The following EXD3 variants were observed in gnomAD, a reference collection of about 807,000 sequenced individuals.
EXD3 encodes the protein exonuclease mut-7 homolog.
EXD3 carries 92 observed loss-of-function variants against 98.0 expected under a neutral mutation model. The observed-to-expected ratio is 0.94, with a 90% CI of 0.79 to 1.12. The LOEUF is 1.12. Ranked by LOEUF, EXD3 falls within the 50% of genes most tolerant of loss-of-function variation. The probability of loss-of-function intolerance (pLI) is 0.00; values close to 1 mark genes in which losing one functional copy is unlikely to be tolerated. For synonymous variants in EXD3, 569 were observed against 526.0 expected (o/e 1.08, Z -1.12); for missense variants, 1,222 against 1,191.6 (o/e 1.03, Z -0.38).
At chr9:137,389,623 G>A (rs940573751) in intron 2 of EXD3, among the ~76,000 whole-genome samples, 8 of 152,156 alleles carry the variant, frequency 5.3e-5, no homozygotes, top group East Asian at 1.9e-4. Flanking sequence ...CAGTGAGTAC[G>A]TCGAGGTGCT....
intron 8 of EXD3, among the ~76,000 whole-genome samples, chr9:137,355,450 T>TGGAGGAAGGAGGAAGGAGGAA (rs1375173621): frequency 2.1e-4 from 2 of 9,540 alleles, no homozygotes; most frequent in African/African-American, 5.4e-4. Context: ...GAAGGGAGGA[T>TGGAGGAAGGAGGAAGGAGGAA]GGAGGAAGGA....
intron 1 of EXD3, among the ~76,000 whole-genome samples, chr9:137,404,582 C>T (rs1294879827): frequency 3.3e-5 from 5 of 152,240 alleles, no homozygotes; most frequent in Non-Finnish European, 7.3e-5. Flanking sequence ...AAAAGCCGGC[C>T]AGGCGCGGTG....
At chr9:137,410,714 C>A (rs1407997866) in intron 1 of EXD3, among the ~76,000 whole-genome samples, 1 of 152,160 alleles carries the variant, frequency 6.6e-6, no homozygotes, top group Non-Finnish European at 1.5e-5. Context: ...GGAAGCCCCC[C>A]TGGGGGCGGC....
At chr9:137,388,327 C>A (rs1836714466) in intron 2 of EXD3, among the ~76,000 whole-genome samples, 1 of 152,008 alleles carries the variant, frequency 6.6e-6, no homozygotes, top group South Asian at 2.1e-4. Flanking sequence ...GGACGGCTCC[C>A]CAGCTGACAC....
intron 17 of EXD3, among the ~76,000 whole-genome samples, chr9:137,332,717 C>T (rs549494687): frequency 6.6e-5 from 10 of 152,054 alleles, no homozygotes; most frequent in South Asian, 6.2e-4. Context: ...TGGTGGCGGG[C>T]GCCTGTAGTC....
At chr9:137,374,507 G>T (rs1029827677) in intron 3 of EXD3, 4 of 967,106 alleles carry the variant, frequency 4.1e-6, no homozygotes, top group Middle Eastern at 5.2e-4. Context: ...GCGCAGCTTT[G>T]AAAGCACTTG....
chr9:137,333,659 C>T (rs367626772), intron 17 of EXD3, among the ~76,000 whole-genome samples: 5 of 152,128 alleles, frequency 3.3e-5, no homozygotes, highest in African/African-American at 1.2e-4. Context: ...TGCTCTCTCG[C>T]TCCTGCCTTC....
At chr9:137,325,076 T>C (rs1322050838) in intron 17 of EXD3, among the ~76,000 whole-genome samples, 1 of 152,196 alleles carries the variant, frequency 6.6e-6, no homozygotes, top group African/African-American at 2.4e-5. Flanking sequence ...GTTATATATA[T>C]TTTTAAAAGT....
chr9:137,307,170 A>T lies in EXD3; in HGVS notation c.2411T>A (p.Met804Lys), dbSNP rs1172236460. 1.6e-5 allele frequency: 26 copies of T among 1,588,886 alleles called. No homozygotes were observed. In the East Asian group the frequency reaches 6.0e-4, roughly 37 times the overall value. The stretch of plus-strand genomic sequence containing the variant: ...CTGCAGCCGGGTGCCGTCGGCCAGC[A>T]TGTCCGGTGTCTCCGCCCGCAGGTC... ...MADLRAETPD[M>K]LADGTRLQLA... The change falls in exon 22 of 22, where the codon ATG (methionine) becomes AAG (lysine). Residue 804 changes from methionine to lysine, a missense_variant. By Grantham distance (95) the Met-to-Lys change is moderately conservative (BLOSUM62 -1). Coordinates refer to ENST00000340951, the MANE Select transcript of EXD3 (RefSeq NM_017820.5).
At chr9:137,383,072 C>A (rs7390551) in intron 3 of EXD3, among the ~76,000 whole-genome samples, 1 of 152,212 alleles carries the variant, frequency 6.6e-6, no homozygotes. Flanking sequence ...CAGAGGTGAC[C>A]TCAGAGGGGC....
At chr9:137,373,744 C>G in intron 3 of EXD3, 145 bp from the exon 4 acceptor site, 1 of 910,862 alleles carries the variant, frequency 1.1e-6, no homozygotes, top group East Asian at 2.7e-5. Flanking sequence ...GCCTCCGTGA[C>G]TTTTCATGCC....
intron 19 of EXD3, among the ~76,000 whole-genome samples, chr9:137,319,648 C>T (rs1831919433): frequency 6.6e-6 from 1 of 152,202 alleles, no homozygotes; most frequent in Non-Finnish European, 1.5e-5. Context: ...GACTCCAGAG[C>T]CAAGGAGGCG....
In EXD3 at chr9:137,354,773, G is replaced by C. The variant is rs751957112; in HGVS notation, c.758C>G (p.Ala253Gly). 4.4e-6 allele frequency: 7 copies of C among 1,608,974 alleles called. No homozygotes were observed. In the South Asian group the frequency reaches 7.7e-5, roughly 18 times the overall value. The change falls in exon 9 of 22, where the codon GCG (alanine) becomes GGG (glycine). Residue 253 changes from alanine to glycine, a missense_variant and splice_region_variant. Transcript: ENST00000340951. ...RLQERYGVAPALCPNAAIQQR... is the reference protein window; with the variant it reads ...RLQERYGVAPGLCPNAAIQQR... The stretch of plus-strand genomic sequence containing the variant: ...CTGAATGGCCGCGTTGGGACACAGC[G>C]CTGAAAGGAAAGGCCAGCTCAGCAC...
At chr9:137,366,660 A>C (rs933753832) in intron 6 of EXD3, 28 bp from the exon 7 acceptor site, 9 of 1,542,036 alleles carry the variant, frequency 5.8e-6, no homozygotes, top group Non-Finnish European at 7.9e-6. Flanking sequence ...GTCAGGCCAC[A>C]GCCTCCGCCA....
rs138032910 is a variant in EXD3 at position 137,382,710 on chromosome 9, C to T, written c.120+603G>A. ...CCAGTGGATGTGGCACTCAGAGGAG[C>T]TGGGCTGGGGTTGGAGGGCGTCCCC... On this transcript the variant is annotated intron_variant, in intron 3 of 21. Transcript: ENST00000340951. 9.2e-3 allele frequency among the ~76,000 whole-genome samples: 1,399 copies of T among 152,074 alleles called. 8 individuals are homozygous for T. The highest frequency in any genetic ancestry group is 0.03 in the African/African-American group (1,258 of 41,444).
At chr9:137,376,412 C>T (rs1355473566) in intron 3 of EXD3, among the ~76,000 whole-genome samples, 1 of 151,798 alleles carries the variant, frequency 6.6e-6, no homozygotes, top group Non-Finnish European at 1.5e-5. Flanking sequence ...CCAGACACTC[C>T]CTACAGGGCA....
At chr9:137,404,379 C>A (rs1429627351) in intron 1 of EXD3, among the ~76,000 whole-genome samples, 1 of 152,200 alleles carries the variant, frequency 6.6e-6, no homozygotes, top group Non-Finnish European at 1.5e-5. Flanking sequence ...AAGAGGCGTG[C>A]CCATCTCCCA....
chr9:137,408,166 T>C (rs1014929683), intron 1 of EXD3, among the ~76,000 whole-genome samples: 2 of 152,100 alleles, frequency 1.3e-5, no homozygotes, highest in Non-Finnish European at 2.9e-5. Flanking sequence ...CAACAGTGAC[T>C]CTTCCTCTGG....
At position 137,343,887 on chromosome 9, in the gene EXD3, C is replaced by CT. The variant is rs139561838; in HGVS notation, c.1998+4183dup. ...ACAGGTATGAGCCACCGCGCCCGGC[C>CT]TTTTTTTTTTTTTTTTTTTTTTGAG... On this transcript the variant is annotated intron_variant, in intron 17 of 21. Coordinates refer to ENST00000340951, the MANE Select transcript of EXD3 (RefSeq NM_017820.5). 5.3e-3 allele frequency among the ~76,000 whole-genome samples: 160 copies of CT among 30,236 alleles called. 3 individuals are homozygous for CT. Among genetic ancestry groups the CT allele is most frequent in the African/African-American group, 0.012 (74 of 6,238 alleles). 19.8% of individuals were successfully genotyped at this position (30,236 alleles called of 152,430 possible). A position where few individuals can be genotyped will look rare whatever the true frequency, so the allele number is the denominator to read the frequency against.
Sources: allele counts gnomAD v4.1 joint callset (sites outside exome capture counted in the v4.1 genomes callset), GRCh38; gene constraint gnomAD v4.1.1; transcripts MANE v1.5; gene names NCBI Gene and HGNC (gene_info 2026-07-23, HGNC 2026-07-21).